Variants in PLPP1 observed in about 807,000 individuals in gnomAD.
PLPP1 encodes phospholipid phosphatase 1, also known as lipid phosphate phosphohydrolase 1a.
Under a neutral mutation model 31.2 loss-of-function variants are expected in PLPP1, and 24 were observed. That is an observed-to-expected ratio of 0.77 (90% CI 0.56 to 1.08). The LOEUF is 1.08. Ranked by LOEUF, PLPP1 falls within the 50% of genes least tolerant of loss-of-function variation. The pLI is 0.00. For synonymous variants in PLPP1, 146 were observed against 126.3 expected, an observed-to-expected ratio of 1.16 and a Z score of -1.05; for missense variants, 319 against 342.7, an observed-to-expected ratio of 0.93 and a Z score of 0.55.
chr5:55,442,049 G>A, intron 3 of PLPP1, 141 bp from the exon 4 acceptor site: 1 of 721,960 alleles, frequency 1.4e-6, no homozygotes, highest in South Asian at 1.7e-5. Context: ...ACGGCAGGGG[G>A]ACAATTAGGA....
intron 1 of PLPP1, among the ~76,000 whole-genome samples, chr5:55,499,775 A>G (rs1473806567): frequency 1.3e-5 from 2 of 152,128 alleles, no homozygotes; most frequent in Non-Finnish European, 2.9e-5. Context: ...AGCACCTATT[A>G]TAAGTCACCG....
At chr5:55,517,192 T>C (rs1365421353) in intron 1 of PLPP1, among the ~76,000 whole-genome samples, 1 of 152,164 alleles carries the variant, frequency 6.6e-6, no homozygotes, top group Non-Finnish European at 1.5e-5. Flanking sequence ...AAATATTTCT[T>C]TTTTTACTTT....
At chr5:55,520,512 T>C (rs1753640907) in intron 1 of PLPP1, among the ~76,000 whole-genome samples, 1 of 152,220 alleles carries the variant, frequency 6.6e-6, no homozygotes, top group Admixed American at 6.5e-5. Context: ...CCACTTCACA[T>C]ACATTGTCTC....
chr5:55,523,318 G>C (rs574138530), intron 1 of PLPP1, among the ~76,000 whole-genome samples: 23 of 151,666 alleles, frequency 1.5e-4, no homozygotes, highest in Non-Finnish European at 2.8e-4. Context: ...TCAAATACTA[G>C]ATCTTATTCA....
chr5:55,434,872 G>A (rs1243016592), intron 4 of PLPP1, among the ~76,000 whole-genome samples: 2 of 152,124 alleles, frequency 1.3e-5, no homozygotes, highest in Non-Finnish European at 2.9e-5. Flanking sequence ...CTAAGACCTT[G>A]AACACAGAGG....
chr5:55,458,524 T>TA (rs889265234), intron 3 of PLPP1, among the ~76,000 whole-genome samples: 26 of 150,090 alleles, frequency 1.7e-4, no homozygotes, highest in East Asian at 9.7e-4. Flanking sequence ...ATTGCTACAC[T>TA]AAAAAAAAAT....
intron 1 of PLPP1, among the ~76,000 whole-genome samples, chr5:55,492,223 A>G (rs1752911056): frequency 1.3e-5 from 2 of 152,228 alleles, no homozygotes. Context: ...AAATTTGTAT[A>G]AAACCAATAC....
At chr5:55,426,888 T>A (rs1751211952) in intron 4 of PLPP1, among the ~76,000 whole-genome samples, 1 of 152,122 alleles carries the variant, frequency 6.6e-6, no homozygotes. Context: ...TAATATAGGT[T>A]GTAGTTTAGT....
intron 2 of PLPP1, among the ~76,000 whole-genome samples, chr5:55,470,496 G>A (rs1752392818): frequency 6.6e-6 from 1 of 152,150 alleles, no homozygotes; most frequent in African/African-American, 2.4e-5. Flanking sequence ...AGAATACTGG[G>A]CACAGATTAA....
At chr5:55,437,596 G>A (rs986527773) in intron 4 of PLPP1, among the ~76,000 whole-genome samples, 2 of 151,550 alleles carry the variant, frequency 1.3e-5, no homozygotes, top group African/African-American at 4.8e-5. Flanking sequence ...ATATACCTTG[G>A]TCTACTTATT....
chr5:55,471,191 CATCAG>C (rs1752405837), intron 2 of PLPP1, among the ~76,000 whole-genome samples: 1 of 151,110 alleles, frequency 6.6e-6, no homozygotes, highest in African/African-American at 2.4e-5. Flanking sequence ...AAAATTGTTT[CATCAG>C]ATCAGATTTT....
At chr5:55,481,164 C>T (rs1461154612) in intron 1 of PLPP1, among the ~76,000 whole-genome samples, 1 of 152,170 alleles carries the variant, frequency 6.6e-6, no homozygotes, top group Admixed American at 6.6e-5. Context: ...TCCTCTTGCA[C>T]AAATGCTCAG....
At chr5:55,431,214 A>G (rs891847234) in intron 4 of PLPP1, among the ~76,000 whole-genome samples, 5 of 152,076 alleles carry the variant, frequency 3.3e-5, no homozygotes, top group Non-Finnish European at 4.4e-5. Flanking sequence ...AGCTTAGAAA[A>G]CCCCAAATAG....
At chr5:55,492,063 T>C (rs1361822376) in intron 1 of PLPP1, among the ~76,000 whole-genome samples, 1 of 152,156 alleles carries the variant, frequency 6.6e-6, no homozygotes, top group Non-Finnish European at 1.5e-5. Flanking sequence ...GTTGAAATTT[T>C]GCACCTAAAT....
At chr5:55,510,748 A>G (rs538790128) in intron 1 of PLPP1, among the ~76,000 whole-genome samples, 2 of 151,934 alleles carry the variant, frequency 1.3e-5, no homozygotes, top group African/African-American at 4.8e-5. Context: ...GTAGTCAAGT[A>G]TATCTGGCTG....
At chr5:55,534,248 G>A (rs1231484138) in intron 1 of PLPP1, among the ~76,000 whole-genome samples, 1 of 152,174 alleles carries the variant, frequency 6.6e-6, no homozygotes, top group Admixed American at 6.5e-5. Context: ...CTCCTCTACC[G>A]TACAGAGGGG....
chr5:55,530,150 C>T (rs1236746602), intron 1 of PLPP1: 18 of 1,247,202 alleles, frequency 1.4e-5, no homozygotes, highest in African/African-American at 2.9e-5. Flanking sequence ...GAGATGTCTA[C>T]AGCCTTCAGA....
chr5:55,497,240 A>T (rs1753021365), intron 1 of PLPP1, among the ~76,000 whole-genome samples: 1 of 151,946 alleles, frequency 6.6e-6, no homozygotes, highest in Admixed American at 6.6e-5. Flanking sequence ...AATGAAAAAG[A>T]CCTCAAAGAA....
At chr5:55,475,502 A>T (rs916199436) in intron 1 of PLPP1, 52 bp from the exon 2 acceptor site, 2 of 1,438,662 alleles carry the variant, frequency 1.4e-6, no homozygotes, top group African/African-American at 2.9e-5. Context: ...TATCAAAACT[A>T]ATTAATGGCA....
Sources: gnomAD v4.1 joint callset for allele counts (sites outside exome capture counted in the v4.1 genomes callset) on GRCh38, gnomAD v4.1.1 for gene constraint, MANE v1.5 for transcripts, NCBI Gene and HGNC (gene_info 2026-07-23, HGNC 2026-07-21) for gene names.